NAALADL2: variants seen among roughly 807,000 people sequenced by gnomAD.
NAALADL2 encodes the protein inactive N-acetylated-alpha-linked acidic dipeptidase-like protein 2.
NAALADL2 carries 76 observed loss-of-function variants against 87.2 expected under a neutral mutation model. The observed-to-expected ratio is 0.87, with a 90% CI of 0.72 to 1.05. NAALADL2 has a LOEUF of 1.05. NAALADL2 is among the 50% of genes least tolerant of loss of function. The pLI is 0.00. For synonymous variants in NAALADL2, 354 were observed against 331.0 expected, an observed-to-expected ratio of 1.07 and a Z score of -0.75; for missense variants, 1,089 against 945.8, an observed-to-expected ratio of 1.15 and a Z score of -1.99.
chr3:175,594,962 T>G (rs1040543993), intron 10 of NAALADL2, among the ~76,000 whole-genome samples: 1 of 152,182 alleles, frequency 6.6e-6, no homozygotes, highest in Non-Finnish European at 1.5e-5. Flanking sequence ...CTGTTTACTC[T>G]GTTGACAGTT....
chr3:174,813,231 G>A (rs1172659773), intron 3 of NAALADL2, among the ~76,000 whole-genome samples: 2 of 151,888 alleles, frequency 1.3e-5, no homozygotes, highest in Non-Finnish European at 2.9e-5. Flanking sequence ...GAATTGTCTT[G>A]GGTCACACAC....
intron 3 of NAALADL2, among the ~76,000 whole-genome samples, chr3:174,777,671 TTCTG>T (rs1271488693): frequency 5.3e-5 from 8 of 152,126 alleles, no homozygotes; most frequent in African/African-American, 1.9e-4. Context: ...GCACTATTCT[TTCTG>T]TCTGGATGAG....
At chr3:175,518,567 G>A (rs1473385042) in intron 9 of NAALADL2, among the ~76,000 whole-genome samples, 2 of 152,184 alleles carry the variant, frequency 1.3e-5, no homozygotes, top group African/African-American at 4.8e-5. Flanking sequence ...CAAGGTCATA[G>A]GGCCCCATCT....
chr3:175,587,547 G>A (rs1387717659), intron 10 of NAALADL2, among the ~76,000 whole-genome samples: 1 of 152,088 alleles, frequency 6.6e-6, no homozygotes, highest in Admixed American at 6.6e-5. Flanking sequence ...TAAATGTCAT[G>A]AATCAAATTA....
At chr3:175,215,770 A>T in intron 2 of NAALADL2, among the ~76,000 whole-genome samples, 1 of 152,142 alleles carries the variant, frequency 6.6e-6, no homozygotes, top group East Asian at 1.9e-4. Flanking sequence ...TCCAATGAAA[A>T]CTTTTAAAAC....
chr3:175,150,057 A>C (rs1731319519), intron 2 of NAALADL2, among the ~76,000 whole-genome samples: 1 of 152,196 alleles, frequency 6.6e-6, no homozygotes, highest in African/African-American at 2.4e-5. Flanking sequence ...AGAAAGAGGC[A>C]ATCATTTTAT....
intron 1 of NAALADL2, among the ~76,000 whole-genome samples, chr3:174,986,243 AT>A (rs1355053355): frequency 2.0e-5 from 3 of 147,398 alleles, no homozygotes; most frequent in African/African-American, 7.5e-5. Flanking sequence ...GTGTGTATAT[AT>A]ATATTCAATA....
chr3:174,815,190 C>T (rs1720655229), intron 3 of NAALADL2, among the ~76,000 whole-genome samples: 1 of 151,998 alleles, frequency 6.6e-6, no homozygotes, highest in African/African-American at 2.4e-5. Context: ...ATTAGTTTGC[C>T]AGAGCTGTTG....
chr3:175,151,169 G>A (rs1731488061), intron 2 of NAALADL2, among the ~76,000 whole-genome samples: 1 of 152,198 alleles, frequency 6.6e-6, no homozygotes. Flanking sequence ...CCCAGAGACT[G>A]TGAGATCTGT....
At chr3:175,567,288 G>T (rs575602885) in intron 9 of NAALADL2, among the ~76,000 whole-genome samples, 2 of 152,158 alleles carry the variant, frequency 1.3e-5, no homozygotes, top group African/African-American at 4.8e-5. Flanking sequence ...AAGAGGAAGA[G>T]GAAATGAAGG....
At chr3:174,816,704 A>T (rs2109315220) in intron 3 of NAALADL2, among the ~76,000 whole-genome samples, 1 of 152,158 alleles carries the variant, frequency 6.6e-6, no homozygotes, top group Non-Finnish European at 1.5e-5. Flanking sequence ...GGTATATTGG[A>T]TTCCCAAACT....
intron 1 of NAALADL2, among the ~76,000 whole-genome samples, chr3:175,065,667 G>C (rs2109108675): frequency 6.6e-6 from 1 of 152,238 alleles, no homozygotes; most frequent in Non-Finnish European, 1.5e-5. Flanking sequence ...TCAACATATG[G>C]TAAGCTCTTC....
chr3:175,289,461 T>C (rs1755384789), intron 4 of NAALADL2, among the ~76,000 whole-genome samples: 1 of 152,064 alleles, frequency 6.6e-6, no homozygotes, highest in African/African-American at 2.4e-5. Flanking sequence ...CCTGAAATAA[T>C]ATTATATTCA....
At chr3:175,726,899 A>G (rs770631033) in intron 11 of NAALADL2, among the ~76,000 whole-genome samples, 1 of 152,158 alleles carries the variant, frequency 6.6e-6, no homozygotes, top group Non-Finnish European at 1.5e-5. Flanking sequence ...GTTTCTTGAC[A>G]TCATGAGTTG....
At chr3:174,832,681 T>A (rs1439040306) in intron 3 of NAALADL2, among the ~76,000 whole-genome samples, 1 of 152,136 alleles carries the variant, frequency 6.6e-6, no homozygotes, top group Non-Finnish European at 1.5e-5. Context: ...TTAGCCAAGA[T>A]GGTCTCGATC....
chr3:175,327,745 TTTTG>T (rs1211613327), intron 5 of NAALADL2, among the ~76,000 whole-genome samples: 1 of 151,974 alleles, frequency 6.6e-6, no homozygotes, highest in East Asian at 1.9e-4. Flanking sequence ...AAGATAAAAG[TTTTG>T]TTTGAGTAAG....
chr3:175,567,938 A>G (rs1717462969), intron 9 of NAALADL2, among the ~76,000 whole-genome samples: 1 of 151,340 alleles, frequency 6.6e-6, no homozygotes, highest in African/African-American at 2.4e-5. Flanking sequence ...CTGGTCTCGA[A>G]CTCCTGGCTT....
At chr3:175,205,992 C>T (rs577388837) in intron 2 of NAALADL2, among the ~76,000 whole-genome samples, 7 of 151,890 alleles carry the variant, frequency 4.6e-5, no homozygotes, top group South Asian at 4.1e-4. Context: ...TTCCAGACTG[C>T]TGGTAGGAAT....
At chr3:175,783,734 A>G (rs1036746835) in intron 13 of NAALADL2, among the ~76,000 whole-genome samples, 1 of 151,078 alleles carries the variant, frequency 6.6e-6, no homozygotes, top group Admixed American at 6.6e-5. Flanking sequence ...AACTTCCAAC[A>G]CTATGTTGAA....
Sources: allele counts gnomAD v4.1 joint callset (sites outside exome capture counted in the v4.1 genomes callset), GRCh38; gene constraint gnomAD v4.1.1; transcripts MANE v1.5; gene names NCBI Gene and HGNC (gene_info 2026-07-23, HGNC 2026-07-21).